Variants in GRID1 observed in about 807,000 individuals in gnomAD.
GRID1 encodes glutamate receptor ionotropic, delta-1.
GRID1 carries 28 observed loss-of-function variants against 98.0 expected under a neutral mutation model. That is an observed-to-expected ratio of 0.29 (90% CI 0.21 to 0.39). The LOEUF is 0.39. GRID1 is among the 10% of genes least tolerant of loss of function. GRID1 has a pLI of 1.00. For missense variants in GRID1, 1,111 were observed against 1,340.5 expected (o/e 0.83, Z 2.67); for synonymous variants, 553 against 538.5 (o/e 1.03, Z -0.37).
intron 12 of GRID1, among the ~76,000 whole-genome samples, chr10:85,705,768 C>T (rs557118771): frequency 1.3e-5 from 2 of 152,066 alleles, no homozygotes; most frequent in Non-Finnish European, 2.9e-5. Context: ...CATGAGCCAC[C>T]ACTTGGGCTT....
intron 12 of GRID1, among the ~76,000 whole-genome samples, chr10:85,690,588 TCAAAAACAAA>T (rs1054477714): frequency 2.0e-5 from 3 of 152,124 alleles, no homozygotes; most frequent in Non-Finnish European, 4.4e-5. Context: ...AAAAAGTCTA[TCAAAAACAAA>T]CAAAAACAAA....
intron 12 of GRID1, among the ~76,000 whole-genome samples, chr10:85,658,946 A>G (rs553751718): frequency 1.3e-5 from 2 of 152,372 alleles, no homozygotes; most frequent in South Asian, 4.1e-4. Flanking sequence ...ACAATTGTCC[A>G]TAAAATACTT....
intron 4 of GRID1, among the ~76,000 whole-genome samples, chr10:86,005,350 G>GC (rs1554845852): frequency 6.7e-6 from 1 of 148,590 alleles, no homozygotes. Context: ...AAAATAAATT[G>GC]AAAAAAAAAA....
chr10:85,990,838 A>G (rs1163732898), intron 4 of GRID1, among the ~76,000 whole-genome samples: 1 of 152,178 alleles, frequency 6.6e-6, no homozygotes, highest in African/African-American at 2.4e-5. Flanking sequence ...AGACAATCGG[A>G]AACCAATAGA....
At chr10:86,356,508 T>C (rs1263483527) in intron 2 of GRID1, among the ~76,000 whole-genome samples, 1 of 152,184 alleles carries the variant, frequency 6.6e-6, no homozygotes, top group African/African-American at 2.4e-5. Context: ...GCAGAAGTGA[T>C]GTGAGCACAT....
intron 3 of GRID1, among the ~76,000 whole-genome samples, chr10:86,142,573 G>T (rs1158978974): frequency 6.6e-6 from 1 of 152,230 alleles, no homozygotes; most frequent in African/African-American, 2.4e-5. Context: ...GGGCATAAAG[G>T]TGGGACCCTG....
chr10:85,722,166 G>C (rs12241055), intron 12 of GRID1, among the ~76,000 whole-genome samples: 1 of 152,072 alleles, frequency 6.6e-6, no homozygotes, highest in Non-Finnish European at 1.5e-5. Context: ...GAGTATGGAC[G>C]ACTTGATTAA....
At chr10:85,761,871 C>A (rs1455787827) in intron 8 of GRID1, among the ~76,000 whole-genome samples, 2 of 152,134 alleles carry the variant, frequency 1.3e-5, no homozygotes, top group Non-Finnish European at 2.9e-5. Context: ...TGGATTATTC[C>A]AAACCATTCT....
At chr10:86,275,971 C>T (rs1321343162) in intron 2 of GRID1, among the ~76,000 whole-genome samples, 1 of 152,166 alleles carries the variant, frequency 6.6e-6, no homozygotes, top group African/African-American at 2.4e-5. Context: ...ATACAGAGAT[C>T]CTTTATAATC....
chr10:85,862,476 G>T (rs1288765727), intron 6 of GRID1, among the ~76,000 whole-genome samples: 1 of 152,164 alleles, frequency 6.6e-6, no homozygotes, highest in African/African-American at 2.4e-5. Context: ...CAGAATCCCA[G>T]GCTATGCATT....
chr10:85,725,055 T>G (rs761714546), intron 10 of GRID1, among the ~76,000 whole-genome samples: 26 of 152,136 alleles, frequency 1.7e-4, no homozygotes, highest in Non-Finnish European at 3.7e-4. Context: ...CCCTTCTATC[T>G]TCTAGGCCTG....
At chr10:85,836,115 T>A (rs997750680) in intron 8 of GRID1, among the ~76,000 whole-genome samples, 2 of 151,754 alleles carry the variant, frequency 1.3e-5, no homozygotes, top group African/African-American at 4.8e-5. Flanking sequence ...AGGTTCTACT[T>A]CAAGGAGTAA....
chr10:85,780,588 C>A (rs1464996345), intron 8 of GRID1, among the ~76,000 whole-genome samples: 2 of 152,182 alleles, frequency 1.3e-5, no homozygotes, highest in African/African-American at 4.8e-5. Context: ...CAGTACTGAG[C>A]CGATGTTTTC....
At chr10:86,155,294 C>T (rs918919095) in intron 3 of GRID1, among the ~76,000 whole-genome samples, 12 of 152,216 alleles carry the variant, frequency 7.9e-5, no homozygotes, top group African/African-American at 2.7e-4. Flanking sequence ...CGACGGCCAA[C>T]CTGCCATTCT....
At position 86,314,902 on chromosome 10, in the gene GRID1, G is replaced by A. The variant is rs115197699; in HGVS notation, c.235+49039C>T. Among the ~76,000 whole-genome samples the A allele has an allele frequency of 4.6e-5, 7 of 152,276 alleles. No homozygotes were observed. In the East Asian group the frequency reaches 1.4e-3, roughly 29 times the overall value. ...CCAGGATCCATCACAGAGCCACCAA[G>A]GCTTTGTGTTAGTCCATCCCATGGG... On this transcript the variant is annotated intron_variant, in intron 2 of 15. Transcript: ENST00000327946.
intron 4 of GRID1, among the ~76,000 whole-genome samples, chr10:86,004,985 T>C (rs1842844040): frequency 6.6e-6 from 1 of 152,216 alleles, no homozygotes; most frequent in South Asian, 2.1e-4. Context: ...GACTGAGGCT[T>C]AGAGGAGCTG....
chr10:85,724,132 G>A (rs1457408584), intron 11 of GRID1, among the ~76,000 whole-genome samples: 1 of 152,188 alleles, frequency 6.6e-6, no homozygotes, highest in Non-Finnish European at 1.5e-5. Flanking sequence ...CTAAAGTGGA[G>A]AATCAGGAAT....
At chr10:86,331,041 C>G (rs1168163497) in intron 2 of GRID1, among the ~76,000 whole-genome samples, 1 of 152,224 alleles carries the variant, frequency 6.6e-6, no homozygotes, top group African/African-American at 2.4e-5. Flanking sequence ...AGAAGGGCCA[C>G]CAGGGTCCCA....
chr10:86,294,558 G>A (rs1299556291), intron 2 of GRID1, among the ~76,000 whole-genome samples: 1 of 152,130 alleles, frequency 6.6e-6, no homozygotes, highest in Non-Finnish European at 1.5e-5. Flanking sequence ...GAGAGTGCAG[G>A]GGACCCCAAG....
Sources: gnomAD v4.1 joint callset for allele counts (sites outside exome capture counted in the v4.1 genomes callset) on GRCh38, gnomAD v4.1.1 for gene constraint, MANE v1.5 for transcripts, NCBI Gene and HGNC (gene_info 2026-07-23, HGNC 2026-07-21) for gene names.